CACNB2: variants seen among roughly 807,000 people sequenced by gnomAD.
The protein encoded by CACNB2 is voltage-dependent L-type calcium channel subunit beta-2.
A neutral mutation model predicts 73.3 loss-of-function variants in CACNB2; 42 were observed. That is an observed-to-expected ratio of 0.57 (90% CI 0.45 to 0.74). The LOEUF is 0.74. Among genes scored for constraint, CACNB2 ranks in the 30% least tolerant of loss-of-function variants. The probability of loss-of-function intolerance (pLI) is 0.00; values close to 1 mark genes in which losing one functional copy is unlikely to be tolerated. For synonymous variants in CACNB2, 348 were observed against 310.3 expected (o/e 1.12, Z -1.28); for missense variants, 940 against 853.0 (o/e 1.10, Z -1.27).
intron 5 of CACNB2, among the ~76,000 whole-genome samples, chr10:18,504,731 G>A (rs571808488): frequency 5.3e-5 from 8 of 152,150 alleles, no homozygotes; most frequent in East Asian, 1.9e-4. Context: ...TGCAACCTCC[G>A]CCTCCCCGGT....
In CACNB2 at chr10:18,301,605, G is replaced by T. The variant is rs144817021; in HGVS notation, c.214-100319G>T. Among the ~76,000 whole-genome samples, 1,116 of 151,228 alleles carry T rather than the reference G, an allele frequency of 7.4e-3. 7 individuals carry two copies. Among genetic ancestry groups the T allele is most frequent in the Non-Finnish European group, 0.011 (775 of 67,828 alleles). ...GCGAGATCCTGTCGCAAAAACAAAC[G>T]AAACAAGCTGTTCAGGTAAATCCAC... On this transcript the variant is annotated intron_variant, in intron 2 of 13. Coordinates refer to ENST00000324631, the MANE Select transcript of CACNB2 (RefSeq NM_201596.3).
intron 2 of CACNB2, among the ~76,000 whole-genome samples, chr10:18,325,101 A>C (rs925705227): frequency 3.3e-5 from 5 of 152,222 alleles, no homozygotes; most frequent in Non-Finnish European, 7.3e-5. Context: ...TGGGTCCCCC[A>C]GTCATGTAGC....
chr10:18,531,614 T>G (rs956148636), intron 10 of CACNB2, among the ~76,000 whole-genome samples: 4 of 152,220 alleles, frequency 2.6e-5, no homozygotes, highest in Non-Finnish European at 5.9e-5. Flanking sequence ...GTTTAACTAA[T>G]TTACACTCCC....
intron 2 of CACNB2, among the ~76,000 whole-genome samples, chr10:18,269,650 C>A (rs2037964523): frequency 6.6e-6 from 1 of 152,122 alleles, no homozygotes; most frequent in African/African-American, 2.4e-5. Context: ...AAGTTTTAGA[C>A]CCATATTCAA....
intron 3 of CACNB2, among the ~76,000 whole-genome samples, chr10:18,452,341 T>C (rs946549976): frequency 6.6e-6 from 1 of 152,068 alleles, no homozygotes; most frequent in Non-Finnish European, 1.5e-5. Flanking sequence ...AGCAGGAGGA[T>C]TGCTTAAGCC....
intron 2 of CACNB2, among the ~76,000 whole-genome samples, chr10:18,218,460 A>G (rs1166113286): frequency 6.6e-6 from 1 of 152,208 alleles, no homozygotes; most frequent in African/African-American, 2.4e-5. Flanking sequence ...TATTCTGTAG[A>G]TAAGAAAATG....
chr10:18,488,546 T>C (rs2049209473), intron 3 of CACNB2, among the ~76,000 whole-genome samples: 1 of 151,870 alleles, frequency 6.6e-6, no homozygotes, highest in Non-Finnish European at 1.5e-5. Flanking sequence ...ACCTCGAGTT[T>C]TTTAAGTGCA....
intron 2 of CACNB2, among the ~76,000 whole-genome samples, chr10:18,242,764 C>CACGA (rs2036705027): frequency 6.6e-6 from 1 of 150,688 alleles, no homozygotes; most frequent in Admixed American, 6.6e-5. Context: ...GCAGGTGGAT[C>CACGA]ACGAGGTCAG....
At chr10:18,255,287 C>T (rs756544939) in intron 2 of CACNB2, among the ~76,000 whole-genome samples, 2 of 152,162 alleles carry the variant, frequency 1.3e-5, no homozygotes, top group African/African-American at 4.8e-5. Context: ...GGCCTTCTCC[C>T]TTCTACCACG....
chr10:18,528,542 C>G (rs966818705), intron 10 of CACNB2, among the ~76,000 whole-genome samples: 3 of 152,130 alleles, frequency 2.0e-5, no homozygotes, highest in Non-Finnish European at 2.9e-5. Flanking sequence ...CTCTGAGAGG[C>G]TGGTTTCTAA....
chr10:18,400,082 C>G (rs993382996), intron 2 of CACNB2, among the ~76,000 whole-genome samples: 11 of 152,190 alleles, frequency 7.2e-5, no homozygotes, highest in African/African-American at 1.9e-4. Context: ...AGTTCGAAGT[C>G]ATTTTGAGCT....
At position 18,235,610 on chromosome 10, in the gene CACNB2, G is replaced by C. The variant is rs1304417284; in HGVS notation, c.213+84635G>C. Among the ~76,000 whole-genome samples the C allele has an allele frequency of 3.9e-5, 6 of 152,358 alleles. No individual in the cohort carries two copies. The East Asian group carries it at 1.2e-3, about 29-fold the overall frequency. ...AAAGGACGTGGTACAAAGTGGTTGA[G>C]AGTAGTTGCTGTTCAGGCTCGGGGC... is the stretch of plus-strand genomic sequence containing the variant. On this transcript the variant is annotated intron_variant, in intron 2 of 13. Transcript: ENST00000324631.
At chr10:18,254,864 T>A (rs1300496996) in intron 2 of CACNB2, among the ~76,000 whole-genome samples, 4 of 152,240 alleles carry the variant, frequency 2.6e-5, no homozygotes, top group Non-Finnish European at 2.9e-5. Context: ...TGTTCAGGAA[T>A]GAGAGAACAC....
chr10:18,415,043 T>A (rs1291127876), intron 3 of CACNB2, among the ~76,000 whole-genome samples: 1 of 152,206 alleles, frequency 6.6e-6, no homozygotes, highest in Non-Finnish European at 1.5e-5. Flanking sequence ...TATCATGCTA[T>A]CGAGTTGGAA....
chr10:18,346,542 C>T (rs2041463788), intron 2 of CACNB2, among the ~76,000 whole-genome samples: 1 of 152,100 alleles, frequency 6.6e-6, no homozygotes, highest in Non-Finnish European at 1.5e-5. Context: ...CATCACTTTT[C>T]CTTCAACCTT....
intron 2 of CACNB2, chr10:18,400,591 A>T: frequency 2.0e-6 from 2 of 1,022,158 alleles, no homozygotes; most frequent in Non-Finnish European, 2.3e-6. Flanking sequence ...TCCAAAGATA[A>T]GGCTTGAACT....
intron 2 of CACNB2, among the ~76,000 whole-genome samples, chr10:18,314,360 T>C (rs1428522858): frequency 1.3e-5 from 2 of 152,212 alleles, no homozygotes; most frequent in African/African-American, 4.8e-5. Context: ...GATAAGGAGA[T>C]TACAAAGATG....
At position 18,480,449 on chromosome 10, in the gene CACNB2, A is replaced by G. The variant is rs565237000; in HGVS notation, c.334-17906A>G. On this transcript the variant is annotated intron_variant, in intron 3 of 13. Coordinates refer to ENST00000324631, the MANE Select transcript of CACNB2 (RefSeq NM_201596.3). The stretch of plus-strand genomic sequence containing the variant: ...GTCTCCTTTGTAAAACTTAAGTGCA[A>G]TGAATGATGTTGTTACTAGTCCAAC... Among the ~76,000 whole-genome samples the G allele has an allele frequency of 1.3e-3, 202 of 152,338 alleles. 1 individual carries two copies. Among genetic ancestry groups the G allele is most frequent in the Non-Finnish European group, 2.1e-3 (140 of 68,036 alleles).
At chr10:18,412,631 G>A (rs1205578425) in intron 3 of CACNB2, among the ~76,000 whole-genome samples, 1 of 152,188 alleles carries the variant, frequency 6.6e-6, no homozygotes, top group Non-Finnish European at 1.5e-5. Context: ...TCTCTGCTAA[G>A]TCACTTTTGT....
Sources: gnomAD v4.1 joint callset for allele counts (sites outside exome capture counted in the v4.1 genomes callset) on GRCh38, gnomAD v4.1.1 for gene constraint, MANE v1.5 for transcripts, NCBI Gene and HGNC (gene_info 2026-07-23, HGNC 2026-07-21) for gene names.